SKAP1: variants seen among roughly 807,000 people sequenced by gnomAD.
SKAP1 encodes src kinase-associated phosphoprotein 1.
SKAP1 carries 44 observed loss-of-function variants against 58.5 expected under a neutral mutation model. That is an observed-to-expected ratio of 0.75 (90% CI 0.59 to 0.97). The LOEUF is 0.97. SKAP1 is among the 50% of genes least tolerant of loss of function. SKAP1 has a pLI of 0.00. For synonymous variants in SKAP1, 127 were observed against 149.7 expected (o/e 0.85, Z 1.11); for missense variants, 390 against 435.2 (o/e 0.90, Z 0.92).
At chr17:48,389,916 T>A (rs1291973741) in intron 2 of SKAP1, among the ~76,000 whole-genome samples, 1 of 152,206 alleles carries the variant, frequency 6.6e-6, no homozygotes, top group Non-Finnish European at 1.5e-5. Flanking sequence ...AATAGAAGTT[T>A]TAAGGTTTGG....
At chr17:48,418,506 T>C (rs952865217) in intron 1 of SKAP1, among the ~76,000 whole-genome samples, 1 of 152,194 alleles carries the variant, frequency 6.6e-6, no homozygotes, top group Non-Finnish European at 1.5e-5. Flanking sequence ...ATACTGCTTG[T>C]GGAAGTGGAA....
At chr17:48,325,047 G>A (rs1334827079) in intron 4 of SKAP1, among the ~76,000 whole-genome samples, 2 of 152,118 alleles carry the variant, frequency 1.3e-5, no homozygotes, top group South Asian at 2.1e-4. Flanking sequence ...AGGAGATCGA[G>A]ACCATCCTGG....
intron 3 of SKAP1, among the ~76,000 whole-genome samples, chr17:48,363,180 T>C (rs1356697368): frequency 6.6e-6 from 1 of 152,218 alleles, no homozygotes; most frequent in African/African-American, 2.4e-5. Flanking sequence ...CAGCTGTCTG[T>C]AGTACTTTTT....
At chr17:48,302,706 C>T (rs1256817332) in intron 4 of SKAP1, among the ~76,000 whole-genome samples, 1 of 152,152 alleles carries the variant, frequency 6.6e-6, no homozygotes, top group Non-Finnish European at 1.5e-5. Flanking sequence ...ACAAAGAATC[C>T]ATGAGTTTCT....
intron 4 of SKAP1, among the ~76,000 whole-genome samples, chr17:48,309,798 A>G (rs1264138180): frequency 6.6e-6 from 1 of 152,194 alleles, no homozygotes; most frequent in Non-Finnish European, 1.5e-5. Context: ...TGCCTAGTAG[A>G]CAAATGCTAG....
intron 9 of SKAP1, among the ~76,000 whole-genome samples, chr17:48,177,101 C>A (rs903863155): frequency 6.6e-6 from 1 of 152,210 alleles, no homozygotes; most frequent in Non-Finnish European, 1.5e-5. Flanking sequence ...TGTCCCTCCA[C>A]CCAGCACCTG....
At chr17:48,276,290 A>G (rs1382937688) in intron 4 of SKAP1, among the ~76,000 whole-genome samples, 1 of 152,134 alleles carries the variant, frequency 6.6e-6, no homozygotes, top group East Asian at 1.9e-4. Flanking sequence ...AATCTTACTT[A>G]TCCTTCAAGA....
intron 4 of SKAP1, among the ~76,000 whole-genome samples, chr17:48,289,693 G>A (rs958123562): frequency 1.3e-5 from 2 of 151,858 alleles, no homozygotes; most frequent in African/African-American, 4.8e-5. Context: ...AGAAATATTA[G>A]CCCTATTATG....
At chr17:48,363,701 T>G in intron 3 of SKAP1, 88 bp downstream of exon 3, 4 of 1,168,418 alleles carry the variant, frequency 3.4e-6, no homozygotes, top group Non-Finnish European at 4.9e-6. Context: ...TGCCACTCTG[T>G]GGAGAAGCTT....
intron 4 of SKAP1, among the ~76,000 whole-genome samples, chr17:48,251,082 A>T (rs1159763389): frequency 6.6e-6 from 1 of 152,246 alleles, no homozygotes; most frequent in Admixed American, 6.5e-5. Flanking sequence ...ACTCCACAGC[A>T]TCCCATAAAA....
rs2064926285 is a variant in SKAP1 at position 48,215,389 on chromosome 17, G to C, written c.281-25889C>G. On this transcript the variant is annotated intron_variant, in intron 4 of 12. Transcript: ENST00000336915. The stretch of plus-strand genomic sequence containing the variant: ...GCCATAGCCTTGTGATTTGGCTTTT[G>C]TGAAAAATATTCAGGGAAATAGTAG... 2.6e-5 allele frequency among the ~76,000 whole-genome samples: 4 copies of C among 152,210 alleles called. No individual in the cohort carries two copies. In the South Asian group the frequency reaches 8.3e-4, roughly 32 times the overall value.
At chr17:48,168,431 C>A (rs773861516) in intron 10 of SKAP1, among the ~76,000 whole-genome samples, 2 of 151,990 alleles carry the variant, frequency 1.3e-5, no homozygotes, top group Admixed American at 1.3e-4. Context: ...CCAAGACGGT[C>A]GGATCCCCTG....
At chr17:48,274,182 T>C (rs967344276) in intron 4 of SKAP1, among the ~76,000 whole-genome samples, 1 of 151,442 alleles carries the variant, frequency 6.6e-6, no homozygotes, top group Admixed American at 6.6e-5. Flanking sequence ...TAAGACCAGA[T>C]CCAAGAGTTT....
At chr17:48,375,751 G>GT (rs2067142790) in intron 2 of SKAP1, among the ~76,000 whole-genome samples, 1 of 152,242 alleles carries the variant, frequency 6.6e-6, no homozygotes, top group South Asian at 2.1e-4. Flanking sequence ...GAGTTGGAGG[G>GT]TTTTTTTCTG....
intron 4 of SKAP1, among the ~76,000 whole-genome samples, chr17:48,313,401 A>G (rs2066250139): frequency 6.6e-6 from 1 of 152,108 alleles, no homozygotes; most frequent in Admixed American, 6.5e-5. Flanking sequence ...TCTGATATCC[A>G]ATTTTTATTC....
chr17:48,291,355 A>C (rs2065894758), intron 4 of SKAP1, among the ~76,000 whole-genome samples: 1 of 152,178 alleles, frequency 6.6e-6, no homozygotes, highest in Non-Finnish European at 1.5e-5. Context: ...TCTTGTAAAA[A>C]ATTCAGTGCT....
chr17:48,383,757 C>A (rs2067245363), intron 2 of SKAP1, among the ~76,000 whole-genome samples: 1 of 148,438 alleles, frequency 6.7e-6, no homozygotes, highest in South Asian at 2.1e-4. Flanking sequence ...CGCTCTGTTG[C>A]CCAGGCTGGA....
At chr17:48,410,852 A>G (rs1056113508) in intron 1 of SKAP1, among the ~76,000 whole-genome samples, 5 of 141,886 alleles carry the variant, frequency 3.5e-5, no homozygotes, top group African/African-American at 1.3e-4. Flanking sequence ...GCTTGAACCC[A>G]GGAGGTGGAG....
intron 1 of SKAP1, among the ~76,000 whole-genome samples, chr17:48,408,006 T>A (rs1318186360): frequency 6.6e-6 from 1 of 152,016 alleles, no homozygotes; most frequent in African/African-American, 2.4e-5. Flanking sequence ...TATACAAAAA[T>A]TAGGCAGAGT....
Sources: allele counts gnomAD v4.1 joint callset (sites outside exome capture counted in the v4.1 genomes callset), GRCh38; gene constraint gnomAD v4.1.1; transcripts MANE v1.5; gene names NCBI Gene and HGNC (gene_info 2026-07-23, HGNC 2026-07-21).